DLGAP2: variants seen among roughly 807,000 people sequenced by gnomAD.
DLGAP2 encodes the protein DLG associated protein 2, also known as disks large-associated protein 2.
A neutral mutation model predicts 100.3 loss-of-function variants in DLGAP2; 26 were observed. That is an observed-to-expected ratio of 0.26 (90% CI 0.19 to 0.36). The LOEUF is 0.36. Among genes scored for constraint, DLGAP2 ranks in the 10% least tolerant of loss-of-function variants. The probability of loss-of-function intolerance (pLI) is 1.00; values close to 1 mark genes in which losing one functional copy is unlikely to be tolerated. For missense variants in DLGAP2, 1,858 were observed against 1,453.2 expected (o/e 1.28, Z -4.53); for synonymous variants, 886 against 630.1 (o/e 1.41, Z -6.08).
At chr8:938,244 G>A (rs1026434542) in intron 2 of DLGAP2, among the ~76,000 whole-genome samples, 2 of 152,092 alleles carry the variant, frequency 1.3e-5, no homozygotes, top group Non-Finnish European at 2.9e-5. Context: ...GAGTATAATG[G>A]TGACAGAGAG....
intron 6 of DLGAP2, among the ~76,000 whole-genome samples, chr8:1,614,669 A>G (rs1184918069): frequency 6.6e-6 from 1 of 152,250 alleles, no homozygotes; most frequent in Non-Finnish European, 1.5e-5. Flanking sequence ...CAACTACAGC[A>G]GCAGAACTGA....
intron 2 of DLGAP2, among the ~76,000 whole-genome samples, chr8:1,233,002 A>T (rs1287781566): frequency 6.6e-6 from 1 of 152,180 alleles, no homozygotes; most frequent in Non-Finnish European, 1.5e-5. Flanking sequence ...GCTATGCTGA[A>T]CATTTCATAG....
chr8:1,433,672 A>G (rs1371112040), intron 3 of DLGAP2, among the ~76,000 whole-genome samples: 1 of 151,430 alleles, frequency 6.6e-6, no homozygotes, highest in Non-Finnish European at 1.5e-5. Context: ...AAACCACTGA[A>G]CACTGGTTAG....
chr8:1,285,531 G>T (rs1799905137), intron 3 of DLGAP2, among the ~76,000 whole-genome samples: 1 of 152,150 alleles, frequency 6.6e-6, no homozygotes. Flanking sequence ...TGGGGCTGTG[G>T]AATAATAATA....
chr8:979,329 T>G (rs1800262962), intron 2 of DLGAP2, among the ~76,000 whole-genome samples: 1 of 152,178 alleles, frequency 6.6e-6, no homozygotes, highest in South Asian at 2.1e-4. Context: ...CTGATGGGAA[T>G]CTCAGTGGAT....
chr8:929,451 G>C (rs183852943), intron 2 of DLGAP2, among the ~76,000 whole-genome samples: 3 of 2,764 alleles, frequency 1.1e-3, no homozygotes, highest in Non-Finnish European at 1.8e-3. Context: ...AAACATCCCA[G>C]ACCCCCCCGC....
At chr8:1,378,945 T>G (rs775029255) in intron 3 of DLGAP2, among the ~76,000 whole-genome samples, 2 of 152,220 alleles carry the variant, frequency 1.3e-5, no homozygotes, top group South Asian at 4.1e-4. Context: ...CACTTCTAGC[T>G]CAGGGTAGCT....
chr8:1,160,769 T>TGGCGAGGAA (rs1171345497), intron 2 of DLGAP2, among the ~76,000 whole-genome samples: 8 of 152,334 alleles, frequency 5.3e-5, no homozygotes, highest in African/African-American at 1.9e-4. Context: ...ATGCAAAGCC[T>TGGCGAGGAA]GGCGAGGAAG....
At chr8:1,597,680 G>A (rs1796502642) in intron 6 of DLGAP2, among the ~76,000 whole-genome samples, 1 of 152,060 alleles carries the variant, frequency 6.6e-6, no homozygotes, top group Non-Finnish European at 1.5e-5. Context: ...GTCTGTTATT[G>A]GTGTACAGGA....
chr8:1,129,001 C>T (rs551088716), intron 2 of DLGAP2, among the ~76,000 whole-genome samples: 2 of 152,284 alleles, frequency 1.3e-5, no homozygotes, highest in Admixed American at 1.3e-4. Context: ...ATTCTTTGCC[C>T]ACTGATAGTC....
chr8:1,533,086 G>T (rs1362155488), intron 4 of DLGAP2, among the ~76,000 whole-genome samples: 1 of 137,034 alleles, frequency 7.3e-6, no homozygotes, highest in Non-Finnish European at 1.6e-5. Context: ...CTCCCCCGAA[G>T]AAATTTGTCA....
chr8:1,067,356 G>T (rs1803286808), intron 2 of DLGAP2, among the ~76,000 whole-genome samples: 1 of 152,220 alleles, frequency 6.6e-6, no homozygotes, highest in African/African-American at 2.4e-5. Flanking sequence ...TTCCCGCTGT[G>T]GTGCCTACCC....
intron 4 of DLGAP2, among the ~76,000 whole-genome samples, chr8:1,540,365 C>T (rs1171093984): frequency 6.6e-6 from 1 of 152,204 alleles, no homozygotes; most frequent in African/African-American, 2.4e-5. Context: ...CACTGTCTAC[C>T]ACGGTACCTT....
chr8:1,022,440 C>T (rs60003026), intron 2 of DLGAP2, among the ~76,000 whole-genome samples: 1,960 of 148,044 alleles, frequency 0.013, 32 homozygotes, highest in African/African-American at 0.047. Context: ...TGGGAGTGGA[C>T]GGTCCCGTGC....
intron 2 of DLGAP2, among the ~76,000 whole-genome samples, chr8:1,186,134 C>T (rs1797498341): frequency 6.6e-6 from 1 of 152,216 alleles, no homozygotes; most frequent in African/African-American, 2.4e-5. Flanking sequence ...TCTCGCTTTG[C>T]GCCCTTGTCT....
intron 2 of DLGAP2, among the ~76,000 whole-genome samples, chr8:997,636 T>A (rs1228217348): frequency 2.0e-5 from 3 of 152,196 alleles, no homozygotes; most frequent in South Asian, 2.1e-4. Flanking sequence ...AAAATGGAAC[T>A]CATTCCTATG....
intron 2 of DLGAP2, among the ~76,000 whole-genome samples, chr8:1,155,932 G>A (rs946429027): frequency 2.0e-5 from 3 of 152,208 alleles, no homozygotes; most frequent in African/African-American, 7.2e-5. Flanking sequence ...GAGCTTCGGG[G>A]CTCGGGGAGG....
At chr8:795,120 G>A (rs1437869456) in intron 1 of DLGAP2, among the ~76,000 whole-genome samples, 1 of 152,198 alleles carries the variant, frequency 6.6e-6, no homozygotes, top group Non-Finnish European at 1.5e-5. Flanking sequence ...TGGCTCCAGT[G>A]GGTTTTCGTT....
intron 6 of DLGAP2, among the ~76,000 whole-genome samples, chr8:1,610,340 C>T (rs1050692183): frequency 7.2e-5 from 11 of 151,818 alleles, no homozygotes; most frequent in East Asian, 5.8e-4. Flanking sequence ...TTGAAACCAA[C>T]GAGAACAAAG....
Sources: gnomAD v4.1 joint callset for allele counts (sites outside exome capture counted in the v4.1 genomes callset) on GRCh38, gnomAD v4.1.1 for gene constraint, MANE v1.5 for transcripts, NCBI Gene and HGNC (gene_info 2026-07-23, HGNC 2026-07-21) for gene names.